Variants in SYCP2L observed in about 807,000 individuals in gnomAD.
SYCP2L encodes synaptonemal complex protein 2 like, also known as synaptonemal complex protein 2-like.
Under a neutral mutation model 125.8 loss-of-function variants are expected in SYCP2L, and 98 were observed. The ratio of observed to expected loss-of-function variants is 0.78; its 90% CI spans 0.66 to 0.92. SYCP2L has a LOEUF of 0.92. Ranked by LOEUF, SYCP2L falls within the 40% of genes least tolerant of loss-of-function variation. SYCP2L has a pLI of 0.00. For missense variants in SYCP2L, 842 were observed against 936.4 expected, an observed-to-expected ratio of 0.90 and a Z score of 1.32; for synonymous variants, 317 against 325.4, an observed-to-expected ratio of 0.97 and a Z score of 0.28.
chr6:10,923,033 G>T (rs888118301), intron 14 of SYCP2L, among the ~76,000 whole-genome samples: 1 of 151,958 alleles, frequency 6.6e-6, no homozygotes, highest in East Asian at 1.9e-4. Context: ...TTCATAATCC[G>T]ATGCGTATTT....
intron 23 of SYCP2L, among the ~76,000 whole-genome samples, chr6:10,952,517 A>C (rs1413439736): frequency 6.6e-6 from 1 of 151,714 alleles, no homozygotes; most frequent in East Asian, 1.9e-4. Context: ...TGCCCCAGGT[A>C]TGCATGGGGG....
chr6:10,952,894 G>A (rs1570573), intron 23 of SYCP2L, among the ~76,000 whole-genome samples: 3,274 of 152,246 alleles, frequency 0.022, 155 homozygotes, highest in East Asian at 0.21. Context: ...CTAAGTCTAA[G>A]TGCAATGAGA....
intron 23 of SYCP2L, among the ~76,000 whole-genome samples, chr6:10,948,373 C>A (rs531559441): frequency 1.2e-4 from 18 of 152,208 alleles, no homozygotes; most frequent in African/African-American, 4.1e-4. Flanking sequence ...TGGTAACCAC[C>A]CTTCTATGCT....
chr6:10,908,211 A>G (rs1780540590), intron 10 of SYCP2L, among the ~76,000 whole-genome samples: 1 of 152,140 alleles, frequency 6.6e-6, no homozygotes, highest in South Asian at 2.1e-4. Context: ...AGGAGACAGA[A>G]CTAGGTGAAT....
intron 23 of SYCP2L, among the ~76,000 whole-genome samples, chr6:10,949,284 T>G (rs1315912685): frequency 6.6e-6 from 1 of 152,176 alleles, no homozygotes; most frequent in Admixed American, 6.5e-5. Context: ...AGAAATGCTT[T>G]GGCTATATCA....
chr6:10,897,887 A>T (rs111430224), intron 4 of SYCP2L, 124 bp from the exon 5 acceptor site: 1 of 679,252 alleles, frequency 1.5e-6, no homozygotes. Flanking sequence ...GCCTCATTGA[A>T]ATGGAATGGA....
chr6:10,942,289 T>A (rs543153594), intron 21 of SYCP2L, among the ~76,000 whole-genome samples, 170 bp from the exon 22 acceptor site: 3 of 152,200 alleles, frequency 2.0e-5, no homozygotes, highest in African/African-American at 2.4e-5. Context: ...AACTTAAAAG[T>A]ATAATAAAAA....
chr6:10,970,221 A>G (rs1781748247), intron 29 of SYCP2L, among the ~76,000 whole-genome samples: 1 of 152,180 alleles, frequency 6.6e-6, no homozygotes, highest in Admixed American at 6.5e-5. Flanking sequence ...AAGACTGAGG[A>G]AGCCCATTTC....
intron 14 of SYCP2L, among the ~76,000 whole-genome samples, chr6:10,920,720 T>A (rs1780783022): frequency 6.6e-6 from 1 of 151,554 alleles, no homozygotes; most frequent in East Asian, 1.9e-4. Context: ...GTTACATAGG[T>A]AACTTTTAAG....
chr6:10,942,883 G>GCTCACACTGCTCCC, intron 23 of SYCP2L, 137 bp downstream of exon 23: 1 of 764,638 alleles, frequency 1.3e-6, no homozygotes, highest in Non-Finnish European at 2.1e-6. Context: ...GGAGGGAGCA[G>GCTCACACTGCTCCC]TGTGAGCTGC....
chr6:10,935,278 A>G (rs1162266662), intron 21 of SYCP2L, 91 bp downstream of exon 21: 7 of 1,258,810 alleles, frequency 5.6e-6, no homozygotes, highest in South Asian at 1.4e-5. Flanking sequence ...TTTAATATCT[A>G]TTAAAGAAAA....
At chr6:10,891,665 ATG>A in intron 2 of SYCP2L, 84 bp downstream of exon 2, 48 of 778,878 alleles carry the variant, frequency 6.2e-5, no homozygotes, top group Admixed American at 2.2e-4. Flanking sequence ...GTGTGTGTGT[ATG>A]TGTATATGAG....
intron 17 of SYCP2L, 45 bp downstream of exon 17, chr6:10,927,412 A>T: frequency 6.6e-7 from 1 of 1,513,334 alleles, no homozygotes; most frequent in Non-Finnish European, 9.1e-7. Flanking sequence ...AGGTTGAGAA[A>T]TAAAGGGACG....
rs545179787 is a variant in SYCP2L at position 10,928,589 on chromosome 6, G to A, written c.1488+139G>A. The A allele has an allele frequency of 1.4e-5, 18 of 1,251,228 alleles. No homozygotes were observed. In the East Asian group the frequency reaches 3.6e-4, roughly 25 times the overall value. The allele number at this position is 1,251,228 out of a possible 1,614,324, so 77.5% of individuals were successfully genotyped here. ...ATTTAAAAAAATTTTTTTAAGACAA[G>A]GCCTTGTTCTGTCATCATAGCTCAC... is the stretch of plus-strand genomic sequence containing the variant. On this transcript the variant is annotated intron_variant, in intron 18 of 29. Transcript: ENST00000283141.
intron 29 of SYCP2L, among the ~76,000 whole-genome samples, chr6:10,973,206 A>G (rs1166110414): frequency 6.6e-6 from 1 of 152,206 alleles, no homozygotes; most frequent in Non-Finnish European, 1.5e-5. Flanking sequence ...AGTTGATATC[A>G]GCTCCTACCA....
chr6:10,966,112 C>T (rs887764526), intron 29 of SYCP2L, among the ~76,000 whole-genome samples: 1 of 151,132 alleles, frequency 6.6e-6, no homozygotes, highest in African/African-American at 2.4e-5. Context: ...TACTCTGTCT[C>T]AATAATAATA....
rs1746155825 is a variant in SYCP2L at position 10,893,930 on chromosome 6, C to G, written c.142C>G (p.Gln48Glu). The G allele has an allele frequency of 6.2e-7, 1 of 1,612,610 alleles. No homozygotes were observed. The highest frequency in any genetic ancestry group is 8.5e-7 in the Non-Finnish European group (1 of 1,179,484). ...ATTTCAGAAAATAAAAGAATACTTTCAACAGAAAGAGAGCCACTTTCCTCA... is the reference window on the plus strand; with the variant it reads ...ATTTCAGAAAATAAAAGAATACTTTGAACAGAAAGAGAGCCACTTTCCTCA... ...KGFQKIKEYF[Q>E]QKESHFPQKY... Residue 48 changes from glutamine to glutamate, a missense_variant, in exon 3 of 30, where the codon CAA becomes GAA. Physicochemically the swap from Gln to Glu is conservative, Grantham distance 29. Transcript: ENST00000283141.
Position 10,954,672 on chromosome 6 carries a change from C to A in SYCP2L, c.1955-444C>A, listed in dbSNP as rs1016015910. ...GGAGGCAAGATGGCCTCGTTTATGA[C>A]GTAGCCTTCAGCATAGCGCCGATGT... On this transcript the variant is annotated intron_variant, in intron 23 of 29. Transcript: ENST00000283141. The surrounding 1 kb of genome is among the most constrained non-coding windows in gnomAD (Gnocchi z 4.8). Among the ~76,000 whole-genome samples the A allele has an allele frequency of 3.9e-5, 6 of 152,204 alleles. No homozygotes were observed. Among genetic ancestry groups the A allele is most frequent in the African/African-American group, 1.4e-4 (6 of 41,444 alleles).
chr6:10,970,216 T>C (rs1474428022), intron 29 of SYCP2L, among the ~76,000 whole-genome samples: 1 of 152,130 alleles, frequency 6.6e-6, no homozygotes, highest in South Asian at 2.1e-4. Context: ...CAGGGAAGAC[T>C]GAGGAAGCCC....
Sources: allele counts gnomAD v4.1 joint callset (sites outside exome capture counted in the v4.1 genomes callset), GRCh38; gene constraint gnomAD v4.1.1; non-coding constraint Gnocchi (gnomAD v3.1); transcripts MANE v1.5; gene names NCBI Gene and HGNC (gene_info 2026-07-23, HGNC 2026-07-21).